The following GUCY1A2 variants were observed in gnomAD, a reference collection of about 807,000 sequenced individuals.
GUCY1A2 encodes guanylate cyclase soluble subunit alpha-2.
A neutral mutation model predicts 63.5 loss-of-function variants in GUCY1A2; 27 were observed. The ratio of observed to expected loss-of-function variants is 0.43; its 90% CI spans 0.31 to 0.59. GUCY1A2 has a LOEUF of 0.59. GUCY1A2 is among the 20% of genes least tolerant of loss of function. The pLI, the probability that GUCY1A2 is intolerant of heterozygous loss-of-function variation, is 0.11. For synonymous variants in GUCY1A2, 364 were observed against 343.5 expected (o/e 1.06, Z -0.66); for missense variants, 768 against 913.3 (o/e 0.84, Z 2.05).
chr11:106,913,138 T>C (rs1860318734), intron 4 of GUCY1A2, among the ~76,000 whole-genome samples: 1 of 152,030 alleles, frequency 6.6e-6, no homozygotes, highest in African/African-American at 2.4e-5. Context: ...TATATATATA[T>C]ATATAAAAGC....
chr11:106,966,069 C>T (rs1295172475), intron 3 of GUCY1A2, among the ~76,000 whole-genome samples: 1 of 151,942 alleles, frequency 6.6e-6, no homozygotes, highest in East Asian at 1.9e-4. Context: ...TTAAGCCCTT[C>T]ACACTCTTTT....
chr11:106,752,169 G>T (rs1422767592), intron 6 of GUCY1A2, among the ~76,000 whole-genome samples: 2 of 152,120 alleles, frequency 1.3e-5, no homozygotes, highest in Non-Finnish European at 2.9e-5. Flanking sequence ...TAGGATTTGA[G>T]CTGGCCAAGA....
intron 6 of GUCY1A2, among the ~76,000 whole-genome samples, chr11:106,739,424 C>T (rs1863650539): frequency 6.6e-6 from 1 of 152,166 alleles, no homozygotes; most frequent in Non-Finnish European, 1.5e-5. Flanking sequence ...AAACAGTGGT[C>T]GAACATAAAA....
At chr11:106,914,221 G>A (rs1008354917) in intron 4 of GUCY1A2, among the ~76,000 whole-genome samples, 1 of 152,032 alleles carries the variant, frequency 6.6e-6, no homozygotes, top group Non-Finnish European at 1.5e-5. Flanking sequence ...TATCTATACA[G>A]ATTTTCACTG....
At chr11:106,852,715 T>C (rs1412289319) in intron 4 of GUCY1A2, among the ~76,000 whole-genome samples, 1 of 152,144 alleles carries the variant, frequency 6.6e-6, no homozygotes, top group Non-Finnish European at 1.5e-5. Context: ...TTGCTAGATT[T>C]TGTTGAGGAG....
At chr11:106,811,384 T>C (rs1490975503) in intron 4 of GUCY1A2, among the ~76,000 whole-genome samples, 1 of 152,026 alleles carries the variant, frequency 6.6e-6, no homozygotes. Context: ...TGGACTAAGG[T>C]TAAACTAAGC....
Position 106,675,465 on chromosome 11 carries a change from A to G in GUCY1A2, c.*12084T>C, listed in dbSNP as rs769562564. 9.9e-6 allele frequency: 2 copies of G among 201,320 alleles called. No individual in the cohort carries two copies. The highest frequency in any genetic ancestry group is 2.3e-5 in the African/African-American group (1 of 43,512). The allele number at this position is 201,320 out of a possible 1,614,324, so 12.5% of individuals were successfully genotyped here. ...TTGCTCCAAATTCTTAAAGGAGACA[A>G]TGAATTAGTAGCTTGTAAATTTTGC... On this transcript the variant is annotated 3_prime_UTR_variant, in exon 8 of 8. Transcript: ENST00000526355.
At chr11:106,917,941 A>C (rs1225396717) in intron 4 of GUCY1A2, among the ~76,000 whole-genome samples, 2 of 130,308 alleles carry the variant, frequency 1.5e-5, no homozygotes, top group Non-Finnish European at 3.4e-5. Context: ...CTTAAAGTAT[A>C]AAAAAAAAAA....
chr11:106,838,391 A>G (rs780480008), intron 4 of GUCY1A2, among the ~76,000 whole-genome samples: 4 of 152,024 alleles, frequency 2.6e-5, no homozygotes, highest in Non-Finnish European at 4.4e-5. Context: ...ATGAAAATGT[A>G]TAAAGTTGAA....
At chr11:106,997,316 T>C (rs904915926) in intron 1 of GUCY1A2, among the ~76,000 whole-genome samples, 5 of 152,166 alleles carry the variant, frequency 3.3e-5, no homozygotes, top group African/African-American at 9.7e-5. Flanking sequence ...CCGCACTCTA[T>C]AGCATAAACT....
intron 4 of GUCY1A2, among the ~76,000 whole-genome samples, chr11:106,852,255 C>G (rs1859366366): frequency 6.6e-6 from 1 of 151,880 alleles, no homozygotes; most frequent in Non-Finnish European, 1.5e-5. Context: ...ATGTTGTTTA[C>G]AAAGAGGGAA....
chr11:106,973,722 T>A (rs1379879265), intron 3 of GUCY1A2, among the ~76,000 whole-genome samples: 1 of 152,108 alleles, frequency 6.6e-6, no homozygotes, highest in Non-Finnish European at 1.5e-5. Flanking sequence ...TTGTTAACTC[T>A]GACCAAAGAT....
chr11:106,852,024 T>C (rs1005397362), intron 4 of GUCY1A2, among the ~76,000 whole-genome samples: 16 of 152,034 alleles, frequency 1.1e-4, no homozygotes, highest in Admixed American at 6.6e-4. Flanking sequence ...TTCAATTTCT[T>C]TAATCAGTGT....
At chr11:106,767,794 T>C (rs1174211240) in intron 6 of GUCY1A2, among the ~76,000 whole-genome samples, 3 of 152,134 alleles carry the variant, frequency 2.0e-5, no homozygotes, top group Non-Finnish European at 4.4e-5. Context: ...GCTCAGTAAG[T>C]AGATCTGTCT....
intron 5 of GUCY1A2, among the ~76,000 whole-genome samples, chr11:106,790,476 C>A (rs948673249): frequency 3.9e-5 from 6 of 152,230 alleles, no homozygotes; most frequent in South Asian, 2.1e-4. Flanking sequence ...CTACTTATTG[C>A]TCTACCTTAC....
chr11:106,751,102 T>C (rs960061181), intron 6 of GUCY1A2, among the ~76,000 whole-genome samples: 9 of 152,114 alleles, frequency 5.9e-5, no homozygotes, highest in African/African-American at 2.2e-4. Context: ...CTGTGTAAAA[T>C]GTATGACTAG....
chr11:106,851,919 C>A (rs1320908283), intron 4 of GUCY1A2, among the ~76,000 whole-genome samples: 1 of 151,850 alleles, frequency 6.6e-6, no homozygotes, highest in African/African-American at 2.4e-5. Context: ...AGATTGCATT[C>A]AATCTGAAAA....
At chr11:106,819,374 G>A (rs1041391297) in intron 4 of GUCY1A2, among the ~76,000 whole-genome samples, 5 of 152,124 alleles carry the variant, frequency 3.3e-5, no homozygotes, top group Non-Finnish European at 7.4e-5. Context: ...AGCATTGCAA[G>A]CTATAAGGAA....
intron 1 of GUCY1A2, among the ~76,000 whole-genome samples, chr11:106,990,871 CCA>C (rs1254778726): frequency 6.6e-6 from 1 of 152,262 alleles, no homozygotes; most frequent in South Asian, 2.1e-4. Context: ...CCAAAAAAAG[CCA>C]CACACATAAT....
Sources: allele counts gnomAD v4.1 joint callset (sites outside exome capture counted in the v4.1 genomes callset), GRCh38; gene constraint gnomAD v4.1.1; transcripts MANE v1.5; gene names NCBI Gene and HGNC (gene_info 2026-07-23, HGNC 2026-07-21).